The following LRMDA variants were observed in gnomAD, a reference collection of about 807,000 sequenced individuals.
LRMDA encodes the protein leucine rich melanocyte differentiation associated, also known as leucine-rich melanocyte differentiation-associated protein.
A neutral mutation model predicts 29.8 loss-of-function variants in LRMDA; 18 were observed. The observed-to-expected ratio is 0.60, with a 90% CI of 0.42 to 0.90. The LOEUF is 0.90. Ranked by LOEUF, LRMDA falls within the 40% of genes least tolerant of loss-of-function variation. The pLI is 0.00. For missense variants in LRMDA, 273 were observed against 273.9 expected, an observed-to-expected ratio of 1.00 and a Z score of 0.02; for synonymous variants, 125 against 109.4, an observed-to-expected ratio of 1.14 and a Z score of -0.89.
intron 2 of LRMDA, among the ~76,000 whole-genome samples, chr10:75,469,496 T>C (rs1430536339): frequency 6.6e-6 from 1 of 152,118 alleles, no homozygotes; most frequent in Non-Finnish European, 1.5e-5. Context: ...TTCTGATGAC[T>C]GATTTCATCC....
intron 5 of LRMDA, among the ~76,000 whole-genome samples, chr10:76,213,754 T>A (rs1006314384): frequency 2.6e-5 from 4 of 152,248 alleles, no homozygotes; most frequent in African/African-American, 9.6e-5. Flanking sequence ...TCCAGGAGGT[T>A]GCCAAGAAAA....
chr10:76,107,781 AG>A (rs1364956319), intron 5 of LRMDA, among the ~76,000 whole-genome samples: 1 of 152,126 alleles, frequency 6.6e-6, no homozygotes, highest in African/African-American at 2.4e-5. Context: ...TGAAACTTTA[AG>A]TTCTGGGATA....
At chr10:76,221,360 C>T (rs765802946) in intron 5 of LRMDA, among the ~76,000 whole-genome samples, 3 of 152,170 alleles carry the variant, frequency 2.0e-5, no homozygotes, top group Non-Finnish European at 4.4e-5. Flanking sequence ...CATGATTGTA[C>T]ATCTAGAAAA....
intron 2 of LRMDA, among the ~76,000 whole-genome samples, chr10:75,949,277 T>G (rs942867234): frequency 1.3e-5 from 2 of 152,244 alleles, no homozygotes; most frequent in African/African-American, 4.8e-5. Context: ...GCATCTCTCC[T>G]GAGAATACAT....
intron 2 of LRMDA, among the ~76,000 whole-genome samples, chr10:75,974,471 T>C (rs540457708): frequency 1.3e-5 from 2 of 152,328 alleles, no homozygotes; most frequent in South Asian, 2.1e-4. Context: ...TGTTTCTTTG[T>C]CTGTAAAATG....
chr10:76,155,529 T>G (rs1850521675), intron 5 of LRMDA, among the ~76,000 whole-genome samples: 1 of 152,182 alleles, frequency 6.6e-6, no homozygotes, highest in Non-Finnish European at 1.5e-5. Flanking sequence ...AATATATGAT[T>G]TTCATTTCCT....
chr10:75,646,932 C>T (rs1384344356), intron 2 of LRMDA, among the ~76,000 whole-genome samples: 1 of 152,152 alleles, frequency 6.6e-6, no homozygotes, highest in East Asian at 1.9e-4. Flanking sequence ...AGGGACCTGC[C>T]TGATAATGGA....
rs1221887150 is a variant in LRMDA at position 75,802,970 on chromosome 10, ATATTT to A, written c.132-233036_132-233032del. 2.3e-3 allele frequency among the ~76,000 whole-genome samples: 292 copies of A among 128,234 alleles called. 4 individuals are homozygous for A. The highest frequency in any genetic ancestry group is 0.012 in the Admixed American group (166 of 13,398). 84.1% of individuals were successfully genotyped at this position (128,234 alleles called of 152,430 possible). A position where few individuals can be genotyped will look rare whatever the true frequency, so the allele number is the denominator to read the frequency against. ...TGTGTGTGTGTATATATATATATAT[ATATTT>A]TTTTTTTTTTCTTAGCTCCCTTTAC... On this transcript the variant is annotated intron_variant, in intron 2 of 6. Transcript: ENST00000611255.
intron 2 of LRMDA, among the ~76,000 whole-genome samples, chr10:76,017,801 C>A (rs1847902796): frequency 6.6e-6 from 1 of 152,190 alleles, no homozygotes; most frequent in Admixed American, 6.5e-5. Context: ...GCTGCTGTGG[C>A]TTCCAGGGCA....
intron 5 of LRMDA, among the ~76,000 whole-genome samples, chr10:76,188,972 T>A (rs1334167876): frequency 7.1e-6 from 1 of 140,258 alleles, no homozygotes; most frequent in Admixed American, 6.9e-5. Flanking sequence ...ACACACACAG[T>A]TCTGTTTATT....
chr10:76,482,849 A>G (rs1842745174), intron 6 of LRMDA, among the ~76,000 whole-genome samples: 1 of 151,994 alleles, frequency 6.6e-6, no homozygotes, highest in Non-Finnish European at 1.5e-5. Context: ...CCAATTCAGC[A>G]GCATATGAGA....
intron 6 of LRMDA, among the ~76,000 whole-genome samples, chr10:76,378,346 T>G (rs1189844053): frequency 2.0e-5 from 3 of 151,882 alleles, no homozygotes; most frequent in African/African-American, 2.4e-5. Context: ...ATAATTTGAC[T>G]TCCTCTTTCC....
chr10:75,747,120 A>C (rs1842899519), intron 2 of LRMDA, among the ~76,000 whole-genome samples: 1 of 152,138 alleles, frequency 6.6e-6, no homozygotes, highest in Non-Finnish European at 1.5e-5. Flanking sequence ...AAATTAGTTC[A>C]TGCTAGTTTT....
chr10:75,938,660 A>G (rs1195064669), intron 2 of LRMDA, among the ~76,000 whole-genome samples: 1 of 152,230 alleles, frequency 6.6e-6, no homozygotes, highest in Non-Finnish European at 1.5e-5. Context: ...GAAGTAAATC[A>G]AGGTACGAGT....
chr10:75,927,654 G>T (rs1846141963), intron 2 of LRMDA, among the ~76,000 whole-genome samples: 1 of 152,160 alleles, frequency 6.6e-6, no homozygotes, highest in Admixed American at 6.5e-5. Context: ...GTAATCAAGT[G>T]GTGCTATTTC....
intron 2 of LRMDA, among the ~76,000 whole-genome samples, chr10:75,740,949 G>A (rs1271298466): frequency 6.6e-6 from 1 of 151,954 alleles, no homozygotes; most frequent in Non-Finnish European, 1.5e-5. Flanking sequence ...TGTTAATCAG[G>A]ATAAGCATAT....
intron 5 of LRMDA, among the ~76,000 whole-genome samples, chr10:76,158,074 A>G (rs1850573522): frequency 6.6e-6 from 1 of 152,176 alleles, no homozygotes; most frequent in Non-Finnish European, 1.5e-5. Context: ...ATTATGTGAT[A>G]TTTGACTGTA....
rs1840810369 is a variant in LRMDA at position 76,324,484 on chromosome 10, A to G, written c.600A>G (p.Gln200=). The G allele has an allele frequency of 6.2e-7, 1 of 1,614,024 alleles. No homozygotes were observed. Among genetic ancestry groups the G allele is most frequent in the East Asian group, 2.2e-5 (1 of 44,858 alleles). Residue 200 remains glutamine (Q), a splice_region_variant and synonymous_variant, in exon 6 of 7, where the codon CAA becomes CAG. Transcript: ENST00000611255. ...CTTCCAGGGAACTCACCAGTCACCA[A>G]GGTTGGAACTCAGCTTTTTATTGCT... is the stretch of plus-strand genomic sequence containing the variant. ...PSASRELTSH[Q]GVLGKCRYVY...
intron 5 of LRMDA, among the ~76,000 whole-genome samples, chr10:76,258,543 A>C (rs1359043862): frequency 6.6e-6 from 1 of 152,128 alleles, no homozygotes; most frequent in African/African-American, 2.4e-5. Context: ...TGTTTTTTTA[A>C]CATGAGAAAT....
Sources: allele counts gnomAD v4.1 joint callset (sites outside exome capture counted in the v4.1 genomes callset), GRCh38; gene constraint gnomAD v4.1.1; transcripts MANE v1.5; gene names NCBI Gene and HGNC (gene_info 2026-07-23, HGNC 2026-07-21).